PDPR: variants seen among roughly 807,000 people sequenced by gnomAD.
PDPR encodes the protein pyruvate dehydrogenase phosphatase regulatory subunit, also known as pyruvate dehydrogenase phosphatase regulatory subunit, mitochondrial.
In PDPR, 50 loss-of-function variants were observed where a neutral mutation model predicts 102.2. The observed-to-expected ratio is 0.49, with a 90% CI of 0.39 to 0.62. PDPR has a LOEUF of 0.62. Among genes scored for constraint, PDPR ranks in the 20% least tolerant of loss-of-function variants. The pLI is 0.00. For missense variants in PDPR, 625 were observed against 1,098.2 expected (o/e 0.57, Z 6.09); for synonymous variants, 259 against 406.0 (o/e 0.64, Z 4.35).
intron 2 of PDPR, 44 bp from the exon 3 acceptor site, chr16:70,120,417 C>G: frequency 1.1e-6 from 1 of 950,930 alleles, no homozygotes; most frequent in Non-Finnish European, 1.7e-6. Context: ...TAATCCCATG[C>G]ACTGAGTAGA....
At chr16:70,162,929 T>C (rs1406256125), downstream of PDPR, among the ~76,000 whole-genome samples, 1 of 152,268 alleles carries the variant, frequency 6.6e-6, no homozygotes, top group African/African-American at 2.4e-5. Context: ...CATCCACAAG[T>C]TGGTCCCTGG....
chr16:70,151,571 A>T (rs1287714616), intron 17 of PDPR, among the ~76,000 whole-genome samples: 2 of 152,292 alleles, frequency 1.3e-5, no homozygotes, highest in African/African-American at 4.8e-5. Context: ...TTGATTCTGA[A>T]GTGCCACCCA....
intron 17 of PDPR, among the ~76,000 whole-genome samples, chr16:70,152,267 C>T (rs1966794490): frequency 6.6e-6 from 1 of 152,274 alleles, no homozygotes; most frequent in African/African-American, 2.4e-5. Context: ...GTCTGTAATC[C>T]CAGCAATTTG....
chr16:70,162,343 C>G lies in PDPR; in HGVS notation c.*5464C>G, dbSNP rs1352421698. The G allele has an allele frequency of 6.6e-6, 1 of 152,566 alleles. No homozygotes were observed. Among genetic ancestry groups the G allele is most frequent in the African/African-American group, 2.4e-5 (1 of 41,478 alleles). 9.5% of individuals were successfully genotyped at this position (152,566 alleles called of 1,614,324 possible). ...AGTTACAATCTGGCCCTGAAGACAT[C>G]CGAGGCACTTCAGTAAGTGGGATCT... On this transcript the variant is annotated 3_prime_UTR_variant, in exon 19 of 19. Transcript: ENST00000288050.
chr16:70,122,899 C>T (rs1463183512), intron 3 of PDPR, among the ~76,000 whole-genome samples: 12 of 132,706 alleles, frequency 9.0e-5, no homozygotes, highest in East Asian at 2.2e-4. Flanking sequence ...CTATTTTATG[C>T]AGTGGATAGT....
chr16:70,143,895 C>CT (rs1256055451), intron 14 of PDPR, among the ~76,000 whole-genome samples: 3,293 of 145,374 alleles, frequency 0.023, no homozygotes, highest in Middle Eastern at 0.034. Context: ...TGTCTTTTTT[C>CT]TTTTTTTTTT....
chr16:70,123,994 G>A (rs1963642666), intron 3 of PDPR, among the ~76,000 whole-genome samples: 1 of 152,080 alleles, frequency 6.6e-6, no homozygotes, highest in Non-Finnish European at 1.5e-5. Flanking sequence ...GGCGGAGGAT[G>A]CAGTGAGCCA....
At position 70,130,713 on chromosome 16, in the gene PDPR, C is replaced by T. The variant is rs184936763; in HGVS notation, c.729+169C>T. 5.2e-5 allele frequency among the ~76,000 whole-genome samples: 8 copies of T among 152,398 alleles called. No homozygotes were observed. The East Asian group carries it at 1.5e-3, about 29-fold the overall frequency. Reference sequence around the variant, plus strand: ...CCTACACTTAGTCTGCAAATAGAAGCCTGTGTGACCTTGTCCTTCCTCCAC... The same window carrying T: ...CCTACACTTAGTCTGCAAATAGAAGTCTGTGTGACCTTGTCCTTCCTCCAC... On this transcript the variant is annotated intron_variant, in intron 7 of 18. Coordinates refer to ENST00000288050, the MANE Select transcript of PDPR (RefSeq NM_017990.5).
intron 2 of PDPR, chr16:70,120,109 G>A (rs1963077465): frequency 5.0e-6 from 1 of 198,362 alleles, no homozygotes; most frequent in Non-Finnish European, 1.0e-5. Flanking sequence ...TAGAGACAGG[G>A]TTTCACCATG....
intron 16 of PDPR, among the ~76,000 whole-genome samples, chr16:70,146,577 CCACTGCA>C (rs1323627102): frequency 8.5e-6 from 1 of 118,178 alleles, no homozygotes; most frequent in Non-Finnish European, 1.7e-5. Context: ...CGAGAACACG[CCACTGCA>C]CTCCACCTGG....
rs532338345 is a variant in PDPR at position 70,130,114 on chromosome 16, A to G, written c.608-309A>G. Among the ~76,000 whole-genome samples, 14 of 152,342 alleles carry G rather than the reference A, an allele frequency of 9.2e-5. No individual in the cohort carries two copies. In the East Asian group the frequency reaches 1.7e-3, roughly 19 times the overall value. On this transcript the variant is annotated intron_variant, in intron 6 of 18. Coordinates refer to ENST00000288050, the MANE Select transcript of PDPR (RefSeq NM_017990.5). ...TCAAGACCAGGCTGACCAACATGGTAAAACCCCATCTCTATTAAAAATACT... is the reference window on the plus strand; with the variant it reads ...TCAAGACCAGGCTGACCAACATGGTGAAACCCCATCTCTATTAAAAATACT...
chr16:70,144,076 G>A (rs2030802746), intron 14 of PDPR, among the ~76,000 whole-genome samples: 1 of 152,130 alleles, frequency 6.6e-6, no homozygotes, highest in African/African-American at 2.4e-5. Flanking sequence ...ATATTTTGTA[G>A]AGATAGGGTT....
Position 70,127,295 on chromosome 16 carries a change from T to G in PDPR, c.263T>G (p.Ile88Ser). 1 of 1,608,976 alleles carries G rather than the reference T, an allele frequency of 6.2e-7. No homozygotes were observed. The highest frequency in any genetic ancestry group is 8.5e-7 in the Non-Finnish European group (1 of 1,177,076). ...AAGSTRFCAG[I>S]LSTARHLTIE... ...GGCTCTACCAGGTTCTGTGCTGGCA[T>G]CCTGAGCACTGCCAGGCACTTGACC... is the stretch of plus-strand genomic sequence containing the variant. Residue 88 changes from isoleucine to serine, a missense_variant, in exon 4 of 19, where the codon ATC (isoleucine) becomes AGC (serine). Around this residue, in one of 11 missense-constraint regions of PDPR, gnomAD observed 24 missense variants for 61.7 expected, o/e 0.39. Transcript: ENST00000288050.
intron 18 of PDPR, among the ~76,000 whole-genome samples, chr16:70,155,291 TC>T (rs1258414244): frequency 1.3e-5 from 2 of 152,262 alleles, no homozygotes; most frequent in African/African-American, 4.8e-5. Flanking sequence ...ATTTTTTTTT[TC>T]TTTCTTGAGA....
At chr16:70,140,681 G>C (rs1410750340) in intron 11 of PDPR, among the ~76,000 whole-genome samples, 1 of 152,218 alleles carries the variant, frequency 6.6e-6, no homozygotes, top group African/African-American at 2.4e-5. Context: ...CAGATGTGGT[G>C]GTACGTGCCT....
In PDPR at chr16:70,159,385, G is replaced by A. The variant is rs1348473491; in HGVS notation, c.*2506G>A. ...GGGCTGAGCACTCAGGCTGTCCATT[G>A]AAACCCCTTGTCCATGAATAGGGTC... On this transcript the variant is annotated 3_prime_UTR_variant, in exon 19 of 19. Transcript: ENST00000288050. The A allele has an allele frequency of 1.3e-5, 2 of 152,516 alleles. No individual in the cohort carries two copies. The highest frequency in any genetic ancestry group is 4.8e-5 in the African/African-American group (2 of 41,480). The allele number at this position is 152,516 out of a possible 1,614,324, so 9.4% of individuals were successfully genotyped here.
intron 13 of PDPR, 130 bp downstream of exon 13, chr16:70,142,816 T>C: frequency 1.4e-6 from 2 of 1,384,314 alleles, no homozygotes; most frequent in South Asian, 1.3e-5. Flanking sequence ...CCCAGCACTT[T>C]GGGAGGCCAA....
intron 18 of PDPR, among the ~76,000 whole-genome samples, chr16:70,155,187 A>G (rs1966994224): frequency 6.6e-6 from 1 of 151,976 alleles, no homozygotes; most frequent in Non-Finnish European, 1.5e-5. Flanking sequence ...GCAAGGCTCC[A>G]TCTCCAAAAA....
At chr16:70,135,583 C>A (rs1209869539) in intron 9 of PDPR, among the ~76,000 whole-genome samples, 1 of 152,276 alleles carries the variant, frequency 6.6e-6, no homozygotes, top group Non-Finnish European at 1.5e-5. Flanking sequence ...CATTTAAGAG[C>A]TTTTCCACTC....
Sources: gnomAD v4.1 joint callset for allele counts (sites outside exome capture counted in the v4.1 genomes callset) on GRCh38, gnomAD v4.1.1 for gene constraint, gnomAD v4.1.1 regional missense constraint, MANE v1.5 for transcripts, NCBI Gene and HGNC (gene_info 2026-07-23, HGNC 2026-07-21) for gene names.